ME2: variants seen among roughly 807,000 people sequenced by gnomAD.
The protein encoded by ME2 is malic enzyme 2.
A neutral mutation model predicts 73.7 loss-of-function variants in ME2; 60 were observed. The ratio of observed to expected loss-of-function variants is 0.81; its 90% CI spans 0.66 to 1.01. The LOEUF is 1.01. ME2 is among the 50% of genes least tolerant of loss of function. The probability of loss-of-function intolerance (pLI) is 0.00; values close to 1 mark genes in which losing one functional copy is unlikely to be tolerated. For missense variants in ME2, 594 were observed against 705.5 expected (o/e 0.84, Z 1.79); for synonymous variants, 199 against 236.9 (o/e 0.84, Z 1.47).
intron 1 of ME2, among the ~76,000 whole-genome samples, chr18:50,887,217 T>A (rs1916493829): frequency 6.6e-6 from 1 of 152,134 alleles, no homozygotes; most frequent in African/African-American, 2.4e-5. Context: ...CATGTTGAAA[T>A]CTCCCTTTCT....
At chr18:50,904,616 C>T (rs1465574156) in intron 2 of ME2, among the ~76,000 whole-genome samples, 1 of 152,048 alleles carries the variant, frequency 6.6e-6, no homozygotes. Flanking sequence ...TGAAGTTTCT[C>T]CATGTTGGTC....
At chr18:50,946,303 A>G (rs1918081469) in intron 15 of ME2, among the ~76,000 whole-genome samples, 1 of 152,100 alleles carries the variant, frequency 6.6e-6, no homozygotes, top group African/African-American at 2.4e-5. Context: ...CACTCAAGCC[A>G]CCTTTGGTGG....
At chr18:50,945,360 T>G (rs1397505257) in intron 15 of ME2, 2 of 152,228 alleles carry the variant, frequency 1.3e-5, no homozygotes, top group Admixed American at 1.3e-4. Flanking sequence ...CGTCAGGTGA[T>G]CCACCTGCCT....
chr18:50,909,862 G>T (rs1160442764), intron 3 of ME2, among the ~76,000 whole-genome samples: 1 of 152,044 alleles, frequency 6.6e-6, no homozygotes, highest in Non-Finnish European at 1.5e-5. Context: ...AAAGGAAAAA[G>T]GCATAGGGTC....
intron 9 of ME2, 32 bp from the exon 10 acceptor site, chr18:50,921,042 G>C (rs768798039): frequency 9.3e-7 from 1 of 1,074,304 alleles, no homozygotes; most frequent in Non-Finnish European, 1.4e-6. Context: ...TCGTACTCTA[G>C]TATATATTAA....
chr18:50,934,071 G>A (rs146349733), intron 13 of ME2: 40 of 152,082 alleles, frequency 2.6e-4, no homozygotes, highest in African/African-American at 9.4e-4. Context: ...ACTTTATCCA[G>A]TTTACCATTG....
Position 50,950,470 on chromosome 18 carries a change from T to TTTTTTTA in ME2, c.*3292_*3293insATTTTTT. On this transcript the variant is annotated 3_prime_UTR_variant, in exon 16 of 16. Transcript: ENST00000321341. ...TGGGGTGGGGCCTCAGATTCTGCTTTTTTTTTTTTTTTTTTTTTTTTTTTT... is the reference window on the plus strand; with the variant it reads ...TGGGGTGGGGCCTCAGATTCTGCTTTTTTTTTATTTTTTTTTTTTTTTTTTTTTTTTT... 7.9e-6 allele frequency: 1 copy of TTTTTTTA among 126,000 alleles called. No homozygotes were observed. Among genetic ancestry groups the TTTTTTTA allele is most frequent in the South Asian group, 2.7e-4 (1 of 3,666 alleles). The allele number at this position is 126,000 out of a possible 1,614,324, so 7.8% of individuals were successfully genotyped here.
rs988845301 is a variant in ME2, at chr18:50,930,826, A to C, written c.1315-1432A>C. Among the ~76,000 whole-genome samples the C allele has an allele frequency of 2.6e-5, 4 of 152,246 alleles. No individual in the cohort carries two copies. The East Asian group carries it at 7.7e-4, about 29-fold the overall frequency. On this transcript the variant is annotated intron_variant, in intron 12 of 15. Transcript: ENST00000321341. ...ATGAACTAACCTTAATCATCAAAGA[A>C]ACAAAATTTTTAGTCACAAGTAATG...
chr18:50,932,343 A>G lies in ME2; in HGVS notation c.1400A>G (p.Asn467Ser), dbSNP rs1308148602. 1 of 1,612,296 alleles carries G rather than the reference A, an allele frequency of 6.2e-7. No homozygotes were observed. The highest frequency in any genetic ancestry group is 8.5e-7 in the Non-Finnish European group (1 of 1,178,688). Residue 467 changes from asparagine (N) to serine (S), a missense_variant, in exon 13 of 16, where the codon AAT becomes AGT. Transcript: ENST00000321341. ...GTCTTTACACCAGGTCAAGGAAACA[A>G]TGTTTATATTTTTCCAGGTAAATGC... ...GRVFTPGQGN[N>S]VYIFPGVALA... is the part of the protein sequence containing the mutation.
intron 11 of ME2, among the ~76,000 whole-genome samples, chr18:50,925,137 A>G (rs1917518708): frequency 1.3e-5 from 2 of 152,136 alleles, no homozygotes; most frequent in African/African-American, 4.8e-5. Flanking sequence ...TCCATGTGGT[A>G]GCAAGTTTTA....
At chr18:50,898,416 A>G (rs1916804797) in intron 2 of ME2, among the ~76,000 whole-genome samples, 1 of 151,962 alleles carries the variant, frequency 6.6e-6, no homozygotes, top group African/African-American at 2.4e-5. Flanking sequence ...CCAAGTAGAA[A>G]CCTAGTATTA....
At chr18:50,930,943 C>G (rs665681) in intron 12 of ME2, among the ~76,000 whole-genome samples, 104,600 of 152,044 alleles carry the variant, frequency 0.69, 36,464 homozygotes, top group African/African-American at 0.8. Flanking sequence ...ATAGTCAGCT[C>G]TGCCCTACTA....
At chr18:50,945,036 T>C (rs2427782) in intron 15 of ME2, 1 of 152,054 alleles carries the variant, frequency 6.6e-6, no homozygotes, top group Non-Finnish European at 1.5e-5. Context: ...TTTTCCTGTT[T>C]AGTACAAAAA....
At chr18:50,916,831 G>A (rs1257800744) in intron 5 of ME2, 1 of 152,188 alleles carries the variant, frequency 6.6e-6, no homozygotes, top group Non-Finnish European at 1.5e-5. Flanking sequence ...ATGATCGTTG[G>A]TTTGAATACT....
In ME2 at chr18:50,952,456, G is replaced by A. The variant is rs1185999813; in HGVS notation, c.*5272G>A. 2 of 152,272 alleles carry A rather than the reference G, an allele frequency of 1.3e-5. No homozygotes were observed. Among genetic ancestry groups the A allele is most frequent in the East Asian group, 3.9e-4 (2 of 5,182 alleles). The allele number at this position is 152,272 out of a possible 1,614,324, so 9.4% of individuals were successfully genotyped here. On this transcript the variant is annotated 3_prime_UTR_variant, in exon 16 of 16. Coordinates refer to ENST00000321341, the MANE Select transcript of ME2 (RefSeq NM_002396.5). ...CATCTCAAAGAGAAAAGTAAATATG[G>A]AAATATGTTCATAGTTCAGTTGCAT...
In ME2 at chr18:50,939,550, A is replaced by G. The variant is rs1853239488; in HGVS notation, c.1418-20A>G. Reference sequence around the variant, plus strand: ...AATTTGAAAAGTGACCATACTAGTAAACTTTAAAATGTGTTCTAGGTGTGG... The same window carrying G: ...AATTTGAAAAGTGACCATACTAGTAGACTTTAAAATGTGTTCTAGGTGTGG... On this transcript the variant is annotated intron_variant, in intron 13 of 15. Transcript: ENST00000321341. 2.6e-6 allele frequency: 4 copies of G among 1,568,560 alleles called. No individual in the cohort carries two copies. Among genetic ancestry groups the G allele is most frequent in the Non-Finnish European group, 3.5e-6 (4 of 1,140,242 alleles).
At chr18:50,886,108 C>CTA (rs34911971) in intron 1 of ME2, among the ~76,000 whole-genome samples, 33 of 150,568 alleles carry the variant, frequency 2.2e-4, no homozygotes, top group Non-Finnish European at 1.3e-4. Context: ...AATGCTGGTT[C>CTA]TATATATATG....
chr18:50,889,152 C>G (rs1249823357), intron 1 of ME2, among the ~76,000 whole-genome samples: 1 of 152,158 alleles, frequency 6.6e-6, no homozygotes, highest in Non-Finnish European at 1.5e-5. Flanking sequence ...TCCCTCCCCC[C>G]CATGATAGGA....
intron 12 of ME2, 130 bp from the exon 13 acceptor site, chr18:50,932,128 G>A (rs991024295): frequency 2.5e-5 from 16 of 643,586 alleles, no homozygotes; most frequent in African/African-American, 2.2e-4. Flanking sequence ...TTGTTATATA[G>A]TATATTATGC....
Sources: allele counts gnomAD v4.1 joint callset (sites outside exome capture counted in the v4.1 genomes callset), GRCh38; gene constraint gnomAD v4.1.1; transcripts MANE v1.5; gene names NCBI Gene and HGNC (gene_info 2026-07-23, HGNC 2026-07-21).